The following PRICKLE2 variants were observed in gnomAD, a reference collection of about 807,000 sequenced individuals.
PRICKLE2 encodes prickle-like protein 2.
In PRICKLE2, 21 loss-of-function variants were observed where a neutral mutation model predicts 81.4. That is an observed-to-expected ratio of 0.26 (90% CI 0.18 to 0.37). PRICKLE2 has a LOEUF of 0.37. Among genes scored for constraint, PRICKLE2 ranks in the 10% least tolerant of loss-of-function variants. The pLI is 1.00. For missense variants in PRICKLE2, 940 were observed against 1,109.0 expected (o/e 0.85, Z 2.16); for synonymous variants, 456 against 421.5 (o/e 1.08, Z -1.00).
chr3:64,171,048 C>T (rs1007423031), intron 2 of PRICKLE2, among the ~76,000 whole-genome samples: 1 of 152,156 alleles, frequency 6.6e-6, no homozygotes, highest in Non-Finnish European at 1.5e-5. Flanking sequence ...TCCTTTTGTT[C>T]AGGTCTTGTG....
At chr3:64,115,983 C>A (rs2076928474) in intron 7 of PRICKLE2, among the ~76,000 whole-genome samples, 1 of 152,090 alleles carries the variant, frequency 6.6e-6, no homozygotes, top group Non-Finnish European at 1.5e-5. Flanking sequence ...GAACTGAAAT[C>A]ATAACAAACA....
At chr3:64,103,377 G>A (rs890092624) in intron 7 of PRICKLE2, 5 of 152,118 alleles carry the variant, frequency 3.3e-5, no homozygotes, top group Non-Finnish European at 5.9e-5. Context: ...TAATGAGAAC[G>A]AATAACTACA....
intron 7 of PRICKLE2, chr3:64,102,052 T>C (rs1378335744): frequency 1.3e-5 from 2 of 152,174 alleles, no homozygotes; most frequent in African/African-American, 4.8e-5. Context: ...CCCGAATGCA[T>C]TCAGGAGGAA....
chr3:64,153,455 G>A, intron 5 of PRICKLE2, 87 bp from the exon 6 acceptor site: 1 of 1,282,626 alleles, frequency 7.8e-7, no homozygotes, highest in Non-Finnish European at 1.1e-6. Flanking sequence ...CCTTGAACTA[G>A]AAGGGTAAGA....
At chr3:64,240,157 G>A (rs1441562034) in intron 2 of PRICKLE2, among the ~76,000 whole-genome samples, 1 of 151,984 alleles carries the variant, frequency 6.6e-6, no homozygotes, top group Non-Finnish European at 1.5e-5. Flanking sequence ...TGCTGAATCT[G>A]TTCTTTCCAT....
At chr3:64,194,594 T>C (rs997298714) in intron 2 of PRICKLE2, among the ~76,000 whole-genome samples, 10 of 152,210 alleles carry the variant, frequency 6.6e-5, no homozygotes, top group African/African-American at 2.4e-4. Context: ...ATGTCAACAG[T>C]GCTGAGGCTG....
intron 2 of PRICKLE2, among the ~76,000 whole-genome samples, chr3:64,249,298 C>T (rs2079407545): frequency 6.6e-6 from 1 of 152,144 alleles, no homozygotes; most frequent in Admixed American, 6.6e-5. Flanking sequence ...CTCATGAGAA[C>T]TCACTCACTA....
At chr3:64,228,264 C>T (rs1269634358), upstream of PRICKLE2, among the ~76,000 whole-genome samples, 1 of 152,142 alleles carries the variant, frequency 6.6e-6, no homozygotes, top group African/African-American at 2.4e-5. Context: ...AGAGAGAAGA[C>T]AATTAAGTAG....
intron 2 of PRICKLE2, among the ~76,000 whole-genome samples, chr3:64,265,411 GCA>G (rs2079685903): frequency 6.6e-6 from 1 of 151,976 alleles, no homozygotes; most frequent in Non-Finnish European, 1.5e-5. Context: ...TCAGAATATC[GCA>G]CAGAGTTTAT....
At chr3:64,126,236 A>T (rs1298756944) in intron 7 of PRICKLE2, among the ~76,000 whole-genome samples, 4 of 152,220 alleles carry the variant, frequency 2.6e-5, no homozygotes, top group African/African-American at 9.6e-5. Flanking sequence ...AAGAATTTTT[A>T]GCCCAATATT....
At chr3:64,169,308 G>A (rs745520799) in intron 2 of PRICKLE2, among the ~76,000 whole-genome samples, 3 of 152,104 alleles carry the variant, frequency 2.0e-5, no homozygotes, top group Admixed American at 2.0e-4. Flanking sequence ...ATAGTAGGAC[G>A]GAAAGTTATG....
intron 7 of PRICKLE2, among the ~76,000 whole-genome samples, chr3:64,144,307 A>G (rs2077409194): frequency 1.3e-5 from 2 of 152,314 alleles, no homozygotes; most frequent in South Asian, 4.1e-4. Flanking sequence ...TGAGTCCCTC[A>G]ACCTCTCCAT....
At chr3:64,196,791 G>A (rs564883672) in intron 2 of PRICKLE2, among the ~76,000 whole-genome samples, 1 of 152,310 alleles carries the variant, frequency 6.6e-6, no homozygotes, top group East Asian at 1.9e-4. Context: ...GGACTTTGTA[G>A]AGACTCGGAT....
At chr3:64,130,743 A>C (rs1341837701) in intron 7 of PRICKLE2, among the ~76,000 whole-genome samples, 11 of 152,156 alleles carry the variant, frequency 7.2e-5, no homozygotes, top group Admixed American at 5.9e-4. Flanking sequence ...ATTATTGGAC[A>C]ATTTTAAAAC....
At chr3:64,170,013 CCT>C (rs1445601377) in intron 2 of PRICKLE2, among the ~76,000 whole-genome samples, 14 of 152,080 alleles carry the variant, frequency 9.2e-5, no homozygotes, top group Non-Finnish European at 1.6e-4. Flanking sequence ...CATGAGGGCC[CCT>C]GTGTTCATTT....
chr3:64,128,480 G>A (rs143571493), intron 7 of PRICKLE2, among the ~76,000 whole-genome samples: 1 of 152,244 alleles, frequency 6.6e-6, no homozygotes, highest in Non-Finnish European at 1.5e-5. Flanking sequence ...AGGTGCGGTG[G>A]CCAACGCCTG....
rs2076540756 is a variant in PRICKLE2, at chr3:64,094,331, C to G, written c.*4720G>C. 1 of 152,216 alleles carries G rather than the reference C, an allele frequency of 6.6e-6. No homozygotes were observed. Among genetic ancestry groups the G allele is most frequent in the Non-Finnish European group, 1.5e-5 (1 of 68,046 alleles). The allele number at this position is 152,216 out of a possible 1,614,324, so 9.4% of individuals were successfully genotyped here. A position where few individuals can be genotyped will look rare whatever the true frequency, so the allele number is the denominator to read the frequency against. ...GAACAGACCTTACTGGTAAGTAACT[C>G]TCTCTGAAAAATTTAGAAAAGCTTG... On this transcript the variant is annotated 3_prime_UTR_variant, in exon 8 of 8. Transcript: ENST00000638394.
intron 7 of PRICKLE2, chr3:64,142,006 T>G (rs1209598358): frequency 1.1e-5 from 10 of 914,018 alleles, no homozygotes; most frequent in Non-Finnish European, 1.3e-5. Flanking sequence ...AAAAAACTAC[T>G]GAATTTTCTA....
At chr3:64,198,442 A>C (rs1445776971) in intron 2 of PRICKLE2, among the ~76,000 whole-genome samples, 1 of 152,152 alleles carries the variant, frequency 6.6e-6, no homozygotes, top group African/African-American at 2.4e-5. Context: ...AGAGCTTCTT[A>C]AACAACATGG....
Sources: allele counts gnomAD v4.1 joint callset (sites outside exome capture counted in the v4.1 genomes callset), GRCh38; gene constraint gnomAD v4.1.1; transcripts MANE v1.5; gene names NCBI Gene and HGNC (gene_info 2026-07-23, HGNC 2026-07-21).